Variants in OSTF1 observed in about 807,000 individuals in gnomAD.
OSTF1 encodes osteoclast stimulating factor 1.
OSTF1 carries 27 observed loss-of-function variants against 37.2 expected under a neutral mutation model. The ratio of observed to expected loss-of-function variants is 0.73; its 90% confidence interval spans 0.54 to 1.00. The LOEUF (loss-of-function observed/expected upper bound fraction) is 1.00, where lower values mean the gene tolerates loss of function less well. Ranked by LOEUF, OSTF1 falls within the 50% of genes least tolerant of loss-of-function variation. OSTF1 has a pLI of 0.00. For missense variants in OSTF1, 232 were observed against 253.8 expected (o/e 0.91, Z 0.58); for synonymous variants, 82 against 89.2 (o/e 0.92, Z 0.46).
intron 3 of OSTF1, among the ~76,000 whole-genome samples, chr9:75,128,402 A>T (rs1313058542): frequency 2.2e-4 from 18 of 81,832 alleles, no homozygotes; most frequent in African/African-American, 6.8e-4. Flanking sequence ...ATATATATAT[A>T]TATATTTTGT....
intron 1 of OSTF1, 67 bp downstream of exon 1, chr9:75,088,793 G>A (rs973587051): frequency 1.3e-6 from 2 of 1,487,486 alleles, no homozygotes; most frequent in Non-Finnish European, 1.8e-6. Flanking sequence ...CTCCTCTGCA[G>A]CTTGGCAGGG....
intron 1 of OSTF1, among the ~76,000 whole-genome samples, chr9:75,102,613 A>G (rs911286944): frequency 6.6e-6 from 1 of 152,184 alleles, no homozygotes; most frequent in Non-Finnish European, 1.5e-5. Flanking sequence ...ATCTCTCGCC[A>G]TCTTTTACCC....
chr9:75,088,541 C>T lies in OSTF1; in HGVS notation c.-152C>T, dbSNP rs1489997706. ...TCGGCGGAGCCGCTCTGCCTGCGTC[C>T]GCTCTTCCCGCAGCCAAGGGTGGGC... On this transcript the variant is annotated 5_prime_UTR_variant, in exon 1 of 10. Transcript: ENST00000346234. The T allele has an allele frequency of 7.5e-6, 6 of 803,912 alleles. No homozygotes were observed. The highest frequency in any genetic ancestry group is 2.7e-5 in the East Asian group (1 of 36,860). 49.8% of individuals were successfully genotyped at this position (803,912 alleles called of 1,614,324 possible). A position where few individuals can be genotyped will look rare whatever the true frequency, so the allele number is the denominator to read the frequency against.
chr9:75,128,335 A>G (rs1825691829), intron 3 of OSTF1, among the ~76,000 whole-genome samples: 1 of 129,108 alleles, frequency 7.7e-6, no homozygotes, highest in Non-Finnish European at 1.7e-5. Context: ...CTGAACATCC[A>G]TAGTAGAATA....
At chr9:75,090,140 C>T (rs1824938484) in intron 1 of OSTF1, among the ~76,000 whole-genome samples, 1 of 152,150 alleles carries the variant, frequency 6.6e-6, no homozygotes, top group Non-Finnish European at 1.5e-5. Flanking sequence ...TCTAACAGTG[C>T]AGAGTTGTTC....
rs1825510465 is a variant in OSTF1 at position 75,117,515 on chromosome 9, G to C, written c.46G>C (p.Val16Leu). The change falls in exon 2 of 10, where the codon GTC becomes CTC. Residue 16 changes from valine (V) to leucine (L), a missense_variant. By Grantham distance (32) the Val-to-Leu change is conservative (BLOSUM62 1). Coordinates refer to ENST00000346234, the MANE Select transcript of OSTF1 (RefSeq NM_012383.5). ...PKPVKPGQVK[V>L]FRALYTFEPR... ...TCTTCCTTTTTTAGGGCAAGTTAAA[G>C]TCTTCAGAGCCCTGTATACGTTTGA... The C allele has an allele frequency of 1.9e-6, 3 of 1,610,690 alleles. No individual in the cohort carries two copies. In the East Asian group the frequency reaches 6.7e-5, roughly 36 times the overall value.
intron 2 of OSTF1, among the ~76,000 whole-genome samples, chr9:75,121,346 C>T (rs896734726): frequency 6.6e-6 from 1 of 152,092 alleles, no homozygotes; most frequent in African/African-American, 2.4e-5. Context: ...GGAGTTTCTC[C>T]ACTGCTTTTA....
At chr9:75,108,430 A>G (rs1825329176) in intron 1 of OSTF1, among the ~76,000 whole-genome samples, 1 of 151,662 alleles carries the variant, frequency 6.6e-6, no homozygotes, top group African/African-American at 2.4e-5. Context: ...CCCCAAGAAA[A>G]TTTTCAATAT....
chr9:75,119,366 AG>A (rs146732717), intron 2 of OSTF1, among the ~76,000 whole-genome samples: 150 of 152,364 alleles, frequency 9.8e-4, no homozygotes, highest in African/African-American at 3.2e-3. Context: ...TTCTGGAGCA[AG>A]AAAGGTAGGG....
chr9:75,116,580 G>A (rs1825492581), intron 1 of OSTF1, among the ~76,000 whole-genome samples: 1 of 150,170 alleles, frequency 6.7e-6, no homozygotes, highest in African/African-American at 2.4e-5. Flanking sequence ...GGACTTAATG[G>A]AATCATAGGT....
rs758572447 is a variant in OSTF1, at chr9:75,137,631, G to C, written c.487+15G>C. On this transcript the variant is annotated intron_variant, in intron 8 of 9. Transcript: ENST00000346234. Reference sequence around the variant, plus strand: ...TCTGGCAAAAGGTAAAGTTTGTGCTGAGTTTATCTGGTCTTTGCTTGCCCT... The same window carrying C: ...TCTGGCAAAAGGTAAAGTTTGTGCTCAGTTTATCTGGTCTTTGCTTGCCCT... 1.3e-6 allele frequency: 2 copies of C among 1,544,118 alleles called. No individual in the cohort carries two copies. Among genetic ancestry groups the C allele is most frequent in the East Asian group, 4.5e-5 (2 of 44,538 alleles).
intron 8 of OSTF1, among the ~76,000 whole-genome samples, chr9:75,138,593 T>G (rs1175226244): frequency 6.6e-6 from 1 of 152,232 alleles, no homozygotes; most frequent in African/African-American, 2.4e-5. Flanking sequence ...GTTGAAATGA[T>G]AATATTTCAG....
chr9:75,142,271 C>G (rs1281193015), intron 9 of OSTF1, among the ~76,000 whole-genome samples: 2 of 152,084 alleles, frequency 1.3e-5, no homozygotes, highest in Admixed American at 6.5e-5. Flanking sequence ...TGCTCCCCAG[C>G]TACATTATGA....
At chr9:75,117,671 A>G (rs1475638325) in intron 2 of OSTF1, 121 bp downstream of exon 2, 1 of 736,562 alleles carries the variant, frequency 1.4e-6, no homozygotes, top group Non-Finnish European at 2.4e-6. Context: ...ATTCTCAGGA[A>G]TGGATGTTGG....
chr9:75,145,221 T>A (rs1826005382), intron 9 of OSTF1, among the ~76,000 whole-genome samples: 1 of 151,992 alleles, frequency 6.6e-6, no homozygotes, highest in African/African-American at 2.4e-5. Context: ...ATCCATCTAC[T>A]TACCTACCTA....
intron 8 of OSTF1, among the ~76,000 whole-genome samples, chr9:75,139,199 C>T (rs1326595800): frequency 6.6e-6 from 1 of 151,076 alleles, no homozygotes; most frequent in Non-Finnish European, 1.5e-5. Flanking sequence ...TGCACCACCA[C>T]ACATGGCTAA....
intron 7 of OSTF1, among the ~76,000 whole-genome samples, chr9:75,136,833 TC>T (rs1257729449): frequency 6.6e-6 from 1 of 152,136 alleles, no homozygotes; most frequent in African/African-American, 2.4e-5. Flanking sequence ...AAAGTGACAC[TC>T]CTTCCCTTCC....
chr9:75,101,873 G>T (rs1415894009), intron 1 of OSTF1, among the ~76,000 whole-genome samples: 1 of 152,158 alleles, frequency 6.6e-6, no homozygotes, highest in Non-Finnish European at 1.5e-5. Flanking sequence ...GAAAGAGGTT[G>T]CACTATAAAT....
Position 75,127,575 on chromosome 9 carries a change from GA to G in OSTF1, c.90del (p.Glu30AspfsTer15). The G allele has an allele frequency of 6.4e-7, 1 of 1,570,924 alleles. No homozygotes were observed. The highest frequency in any genetic ancestry group is 8.7e-7 in the Non-Finnish European group (1 of 1,153,466). On this transcript the variant is annotated frameshift_variant, in exon 3 of 10. Coordinates refer to ENST00000346234, the MANE Select transcript of OSTF1 (RefSeq NM_012383.5). LOFTEE classifies it high-confidence loss of function. The stretch of plus-strand genomic sequence containing the variant: ...ACTTTTTTTTTTCTTCTAGCCAGAT[GA>G]ATTATACTTTGAGGAAGGTGATATT... ...LYTFEPRTPD[E>X]LYFEEGDIIY... is the part of the protein sequence containing the mutation.
Sources: gnomAD v4.1 joint callset for allele counts (sites outside exome capture counted in the v4.1 genomes callset) on GRCh38, gnomAD v4.1.1 for gene constraint, MANE v1.5 for transcripts, NCBI Gene and HGNC (gene_info 2026-07-23, HGNC 2026-07-21) for gene names.